WDR37: variants seen among roughly 807,000 people sequenced by gnomAD.
WDR37 encodes WD repeat-containing protein 37.
In WDR37, 19 loss-of-function variants were observed where a neutral mutation model predicts 62.9. That is an observed-to-expected ratio of 0.30 (90% CI 0.21 to 0.44). The LOEUF is 0.44. Ranked by LOEUF, WDR37 falls within the 20% of genes least tolerant of loss-of-function variation. WDR37 has a pLI of 1.00. For synonymous variants in WDR37, 250 were observed against 260.9 expected, an observed-to-expected ratio of 0.96 and a Z score of 0.40; for missense variants, 474 against 657.6, an observed-to-expected ratio of 0.72 and a Z score of 3.05.
Position 1,129,680 on chromosome 10 carries a change from C to CA in WDR37, c.*336_*337insA. ...ATTTGTGTGAATTAAATGTGAACTT[C>CA]TGTATTACGTTGCGGCGTCGGCAGT... On this transcript the variant is annotated 3_prime_UTR_variant, in exon 14 of 14. Coordinates refer to ENST00000263150, the MANE Select transcript of WDR37 (RefSeq NM_014023.4). 5.2e-6 allele frequency: 1 copy of CA among 193,148 alleles called. No individual in the cohort carries two copies. Among genetic ancestry groups the CA allele is most frequent in the Non-Finnish European group, 1.1e-5 (1 of 93,314 alleles). 12.0% of individuals were successfully genotyped at this position (193,148 alleles called of 1,614,324 possible). A position where few individuals can be genotyped will look rare whatever the true frequency, so the allele number is the denominator to read the frequency against.
Position 1,105,603 on chromosome 10 carries a change from C to T in WDR37, c.1103+336C>T, listed in dbSNP as rs546997547. Among the ~76,000 whole-genome samples, 7 of 152,262 alleles carry T rather than the reference C, an allele frequency of 4.6e-5. No homozygotes were observed. In the South Asian group the frequency reaches 8.3e-4, roughly 18 times the overall value. On this transcript the variant is annotated intron_variant, in intron 11 of 13. Transcript: ENST00000263150. The surrounding 1 kb of genome is among the most constrained non-coding windows in gnomAD (Gnocchi z 5.3). ...GGGCCGGCCACGCCACCATAGGAGC[C>T]GCGGGAGCTGTTACTCCTACCCACG... is the stretch of plus-strand genomic sequence containing the variant.
At chr10:1,108,744 C>CA (rs1554825251) in intron 11 of WDR37, among the ~76,000 whole-genome samples, 1 of 137,796 alleles carries the variant, frequency 7.3e-6, no homozygotes, top group African/African-American at 2.8e-5. Flanking sequence ...GTGATGCCCC[C>CA]CCCCCCCGTG....
At chr10:1,101,684 G>T (rs1028238792) in intron 9 of WDR37, among the ~76,000 whole-genome samples, 7 of 152,130 alleles carry the variant, frequency 4.6e-5, no homozygotes, top group Non-Finnish European at 1.0e-4. Flanking sequence ...GTCCTTTCCA[G>T]TCTCCCGGGA....
chr10:1,089,356 C>T (rs1278999888), intron 7 of WDR37, among the ~76,000 whole-genome samples: 4 of 152,142 alleles, frequency 2.6e-5, no homozygotes, highest in Non-Finnish European at 5.9e-5. Context: ...GCTAGTGGGG[C>T]TTCCAGTGCT....
At chr10:1,082,175 T>C (rs1834047751) in intron 5 of WDR37, among the ~76,000 whole-genome samples, 1 of 152,324 alleles carries the variant, frequency 6.6e-6, no homozygotes, top group African/African-American at 2.4e-5. Context: ...TACTACAGTG[T>C]GGATTCTTGG....
intron 1 of WDR37, among the ~76,000 whole-genome samples, chr10:1,060,226 A>G (rs1173679392): frequency 6.6e-6 from 1 of 152,216 alleles, no homozygotes; most frequent in Non-Finnish European, 1.5e-5. Flanking sequence ...ATGTTTGGCC[A>G]GTGCCTGCTG....
At chr10:1,074,475 C>T (rs1212073452) in intron 2 of WDR37, 3 of 1,304,472 alleles carry the variant, frequency 2.3e-6, no homozygotes, top group Non-Finnish European at 3.0e-6. Flanking sequence ...GTTCAATGAG[C>T]AGTGATTCGG....
chr10:1,112,533 A>G (rs959234963), intron 11 of WDR37, among the ~76,000 whole-genome samples: 8 of 152,250 alleles, frequency 5.3e-5, no homozygotes, highest in Admixed American at 2.0e-4. Flanking sequence ...GACGAAGCTT[A>G]GTGAGGAAGA....
chr10:1,077,295 A>G (rs1007094620), intron 2 of WDR37, among the ~76,000 whole-genome samples: 1 of 152,206 alleles, frequency 6.6e-6, no homozygotes, highest in African/African-American at 2.4e-5. Flanking sequence ...CGGGAAACAC[A>G]CAGGCATGAA....
At chr10:1,068,474 C>CA (rs1169034998) in intron 1 of WDR37, among the ~76,000 whole-genome samples, 1 of 150,910 alleles carries the variant, frequency 6.6e-6, no homozygotes, top group Admixed American at 6.6e-5. Flanking sequence ...AAAAAACAAA[C>CA]AGTGTTTTAC....
At chr10:1,095,105 A>G (rs1302420888) in intron 8 of WDR37, among the ~76,000 whole-genome samples, 1 of 147,942 alleles carries the variant, frequency 6.8e-6, no homozygotes, top group Non-Finnish European at 1.5e-5. Flanking sequence ...AGACTTGGAA[A>G]CGTGAGGTAA....
At chr10:1,125,335 A>G (rs1373206383) in intron 13 of WDR37, among the ~76,000 whole-genome samples, 1 of 151,856 alleles carries the variant, frequency 6.6e-6, no homozygotes, top group Non-Finnish European at 1.5e-5. Flanking sequence ...CCTCAGCCTC[A>G]GCCTCAATCT....
At chr10:1,098,645 G>A (rs1385515333) in intron 9 of WDR37, among the ~76,000 whole-genome samples, 1 of 152,176 alleles carries the variant, frequency 6.6e-6, no homozygotes, top group African/African-American at 2.4e-5. Flanking sequence ...AATATTAATA[G>A]AAGAGCCCCT....
At chr10:1,079,783 C>A (rs960358480) in intron 3 of WDR37, among the ~76,000 whole-genome samples, 11 of 152,102 alleles carry the variant, frequency 7.2e-5, no homozygotes, top group Non-Finnish European at 1.2e-4. Flanking sequence ...CCTTGGCCTC[C>A]CAAAGTGCTG....
intron 11 of WDR37, among the ~76,000 whole-genome samples, chr10:1,113,742 AT>A (rs1835293664): frequency 6.6e-6 from 1 of 152,216 alleles, no homozygotes; most frequent in Non-Finnish European, 1.5e-5. Context: ...CAATCTCACA[AT>A]AAATTTGAAT....
At chr10:1,109,899 G>A (rs1363497272) in intron 11 of WDR37, among the ~76,000 whole-genome samples, 1 of 152,164 alleles carries the variant, frequency 6.6e-6, no homozygotes, top group African/African-American at 2.4e-5. Context: ...TTGGAATCAG[G>A]TGTGGGGGTA....
chr10:1,126,378 C>T (rs927065266), intron 13 of WDR37, among the ~76,000 whole-genome samples: 2 of 148,672 alleles, frequency 1.3e-5, no homozygotes, highest in Non-Finnish European at 1.5e-5. Context: ...TGCACTCCAG[C>T]CTGGGCGACA....
intron 2 of WDR37, among the ~76,000 whole-genome samples, chr10:1,072,691 A>T (rs201445392): frequency 0.011 from 2 of 184 alleles, no homozygotes; most frequent in African/African-American, 0.012. Flanking sequence ...TCTCCAAAGT[A>T]AAAAAAAAAG....
At position 1,103,659 on chromosome 10, in the gene WDR37, G is replaced by A; in HGVS notation, c.784G>A (p.Asp262Asn). Residue 262 changes from aspartate to asparagine, a missense_variant, in exon 10 of 14, where the codon GAT becomes AAT. Physicochemically the swap from Asp to Asn is conservative, Grantham distance 23. Transcript: ENST00000263150. This position sits in a 1 kb window ranked among gnomAD's most constrained non-coding sequence, Gnocchi z 6.3. ...CAAGGACGAGCCCGACCTCGATGGGGATGTGTCCAGCGACTGCCCCACCAT... is the reference window on the plus strand; with the variant it reads ...CAAGGACGAGCCCGACCTCGATGGGAATGTGTCCAGCGACTGCCCCACCAT... ...SDKDEPDLDGDVSSDCPTIRV... is the reference protein window; with the variant it reads ...SDKDEPDLDGNVSSDCPTIRV... 1.9e-6 allele frequency: 3 copies of A among 1,614,250 alleles called. No homozygotes were observed. The highest frequency in any genetic ancestry group is 2.5e-6 in the Non-Finnish European group (3 of 1,180,046).
Sources: allele counts gnomAD v4.1 joint callset (sites outside exome capture counted in the v4.1 genomes callset), GRCh38; gene constraint gnomAD v4.1.1; non-coding constraint Gnocchi (gnomAD v3.1); transcripts MANE v1.5; gene names NCBI Gene and HGNC (gene_info 2026-07-23, HGNC 2026-07-21).